Variants in BLVRA observed in about 807,000 individuals in gnomAD.
BLVRA encodes biliverdin reductase A.
A neutral mutation model predicts 32.8 loss-of-function variants in BLVRA; 22 were observed. That is an observed-to-expected ratio of 0.67 (90% confidence interval 0.48 to 0.96). BLVRA has a LOEUF of 0.96. BLVRA is among the 40% of genes least tolerant of loss of function. The pLI, the probability that BLVRA is intolerant of heterozygous loss-of-function variation, is 0.00. For synonymous variants in BLVRA, 119 were observed against 141.3 expected (o/e 0.84, Z 1.12); for missense variants, 323 against 358.1 (o/e 0.90, Z 0.79).
chr7:43,773,564 G>A (rs13241202), intron 2 of BLVRA, among the ~76,000 whole-genome samples: 23,102 of 152,176 alleles, frequency 0.15, 2,209 homozygotes, highest in Non-Finnish European at 0.21. Flanking sequence ...TTGGTTCCAA[G>A]TCTTTGCTTT....
At chr7:43,782,331 A>G (rs2095770880) in intron 2 of BLVRA, among the ~76,000 whole-genome samples, 1 of 152,200 alleles carries the variant, frequency 6.6e-6, no homozygotes. Context: ...AAGACAGAAG[A>G]AGGACCATCG....
intron 2 of BLVRA, among the ~76,000 whole-genome samples, chr7:43,779,368 C>A (rs1210474184): frequency 2.0e-5 from 3 of 152,232 alleles, no homozygotes; most frequent in African/African-American, 7.2e-5. Context: ...TTTCTCTTCC[C>A]TGGGTCATTC....
chr7:43,771,257 G>A (rs17245855), intron 2 of BLVRA, 87 bp downstream of exon 2: 50 of 1,467,128 alleles, frequency 3.4e-5, no homozygotes, highest in Admixed American at 1.9e-4. Context: ...TTCCCTTTCA[G>A]AAACATCAGC....
chr7:43,785,196 C>A (rs978585382), intron 2 of BLVRA, among the ~76,000 whole-genome samples: 1 of 151,486 alleles, frequency 6.6e-6, no homozygotes, highest in African/African-American at 2.4e-5. Context: ...AAATATTTAA[C>A]CTAATAAGGG....
At chr7:43,792,853 G>A (rs1426863058) in intron 5 of BLVRA, 41 bp downstream of exon 5, 1 of 1,580,968 alleles carries the variant, frequency 6.3e-7, no homozygotes, top group East Asian at 2.2e-5. Flanking sequence ...CAGGATTTCT[G>A]TGATATCATC....
Position 43,771,198 on chromosome 7 carries a change from G to A in BLVRA, c.12+28G>A, listed in dbSNP as rs760842895. 3.6e-5 allele frequency: 58 copies of A among 1,611,534 alleles called. No individual in the cohort carries two copies. The East Asian group carries it at 1.2e-3, about 32-fold the overall frequency. On this transcript the variant is annotated intron_variant, in intron 2 of 7. Coordinates refer to ENST00000265523, the MANE Select transcript of BLVRA (RefSeq NM_000712.4). ...GAGTTCTTTACAAAGACCAGTTTAAGGGATGCTTTTCTTATTGTGTCCCTC... is the reference window on the plus strand; with the variant it reads ...GAGTTCTTTACAAAGACCAGTTTAAAGGATGCTTTTCTTATTGTGTCCCTC...
intron 6 of BLVRA, among the ~76,000 whole-genome samples, chr7:43,803,058 T>C (rs1342919707): frequency 6.6e-6 from 1 of 152,172 alleles, no homozygotes; most frequent in Non-Finnish European, 1.5e-5. Flanking sequence ...AGTGTACTTT[T>C]TTGTTCACAA....
chr7:43,765,007 T>C (rs1320240475), intron 1 of BLVRA, among the ~76,000 whole-genome samples: 1 of 152,188 alleles, frequency 6.6e-6, no homozygotes, highest in Non-Finnish European at 1.5e-5. Context: ...ATAGCTCATC[T>C]GTGTGCACCT....
At position 43,771,166 on chromosome 7, in the gene BLVRA, C is replaced by T; in HGVS notation, c.8C>T (p.Ala3Val). 6.2e-7 allele frequency: 1 copy of T among 1,613,924 alleles called. No individual in the cohort carries two copies. The highest frequency in any genetic ancestry group is 1.3e-5 in the African/African-American group (1 of 75,034). ...CCGAAGGAAGAGACCAAGATGAATG[C>T]AGAGGTGAGTTCTTTACAAAGACCA... MN[A>V]EPERKFGVVV... Residue 3 changes from alanine to valine, a missense_variant, in exon 2 of 8, where the codon GCA becomes GTA. Ala to Val is a moderately conservative substitution (Grantham distance 64). Coordinates refer to ENST00000265523, the MANE Select transcript of BLVRA (RefSeq NM_000712.4).
intron 1 of BLVRA, among the ~76,000 whole-genome samples, chr7:43,766,196 G>A (rs1047776771): frequency 2.0e-5 from 3 of 150,256 alleles, no homozygotes; most frequent in African/African-American, 7.3e-5. Context: ...TGAGGTGGGA[G>A]AATGGCTTGA....
intron 2 of BLVRA, among the ~76,000 whole-genome samples, chr7:43,782,185 G>C (rs747172501): frequency 6.6e-6 from 1 of 152,214 alleles, no homozygotes; most frequent in Non-Finnish European, 1.5e-5. Context: ...ATGATAGGAT[G>C]ATTCAGAGAC....
At chr7:43,793,451 AT>A (rs2095788381) in intron 5 of BLVRA, among the ~76,000 whole-genome samples, 1 of 152,126 alleles carries the variant, frequency 6.6e-6, no homozygotes, top group Non-Finnish European at 1.5e-5. Flanking sequence ...TTAAGTTCAC[AT>A]TTGTTCCCCT....
chr7:43,785,232 G>C (rs1298745972), intron 2 of BLVRA, among the ~76,000 whole-genome samples: 2 of 150,486 alleles, frequency 1.3e-5, no homozygotes, highest in Non-Finnish European at 1.5e-5. Context: ...TTTCTTGATT[G>C]AAAGGGAAAC....
chr7:43,777,210 G>A (rs1189051259), intron 2 of BLVRA, among the ~76,000 whole-genome samples: 22 of 145,436 alleles, frequency 1.5e-4, no homozygotes, highest in South Asian at 4.5e-4. Flanking sequence ...TATTTTGCTC[G>A]TTAGTTGATG....
intron 3 of BLVRA, among the ~76,000 whole-genome samples, chr7:43,790,133 G>A (rs939958872): frequency 6.6e-6 from 1 of 152,004 alleles, no homozygotes; most frequent in Non-Finnish European, 1.5e-5. Flanking sequence ...AGCGGGCTGA[G>A]GGCCTTCTGC....
At chr7:43,779,625 C>T (rs1338020869) in intron 2 of BLVRA, among the ~76,000 whole-genome samples, 1 of 152,202 alleles carries the variant, frequency 6.6e-6, no homozygotes, top group Non-Finnish European at 1.5e-5. Flanking sequence ...TGCCTCTGAC[C>T]TCCTTATCTG....
Position 43,788,015 on chromosome 7 carries a change from T to A in BLVRA, c.124T>A (p.Phe42Ile). ...CTCAGCGTTCCTGAACCTGATTGGC[T>A]TCGTGTCGAGGTGGCTCACAATGTC... ...PSSAFLNLIG[F>I]VSRRELGSID... The change falls in exon 3 of 8, where the codon TTC (phenylalanine) becomes ATC (isoleucine). Residue 42 changes from phenylalanine to isoleucine, a missense_variant. Coordinates refer to ENST00000265523, the MANE Select transcript of BLVRA (RefSeq NM_000712.4). 6.2e-7 allele frequency: 1 copy of A among 1,614,180 alleles called. No homozygotes were observed. The highest frequency in any genetic ancestry group is 8.5e-7 in the Non-Finnish European group (1 of 1,180,024).
intron 2 of BLVRA, among the ~76,000 whole-genome samples, chr7:43,774,053 GAGT>G (rs1340388976): frequency 6.6e-6 from 1 of 152,164 alleles, no homozygotes; most frequent in African/African-American, 2.4e-5. Context: ...TTTGTCAGAT[GAGT>G]AGGTTGGGAA....
chr7:43,802,591 C>G (rs1202319885), intron 6 of BLVRA, among the ~76,000 whole-genome samples: 1 of 152,120 alleles, frequency 6.6e-6, no homozygotes, highest in East Asian at 1.9e-4. Context: ...TCGAACTCCT[C>G]AGGCCCAGAT....
Sources: gnomAD v4.1 joint callset for allele counts (sites outside exome capture counted in the v4.1 genomes callset) on GRCh38, gnomAD v4.1.1 for gene constraint, MANE v1.5 for transcripts, NCBI Gene and HGNC (gene_info 2026-07-23, HGNC 2026-07-21) for gene names.